Variants in ANKRD13C observed in about 807,000 individuals in gnomAD.
ANKRD13C encodes ankyrin repeat domain-containing protein 13C.
Under a neutral mutation model 65.5 loss-of-function variants are expected in ANKRD13C, and 16 were observed. The ratio of observed to expected loss-of-function variants is 0.24; its 90% CI spans 0.17 to 0.37. The LOEUF is 0.37. ANKRD13C is among the 10% of genes least tolerant of loss of function. The pLI is 1.00. For synonymous variants in ANKRD13C, 235 were observed against 238.7 expected (o/e 0.98, Z 0.14); for missense variants, 503 against 655.9 (o/e 0.77, Z 2.55).
intron 6 of ANKRD13C, among the ~76,000 whole-genome samples, chr1:70,302,842 G>GT (rs1680435569): frequency 6.7e-6 from 1 of 149,110 alleles, no homozygotes; most frequent in African/African-American, 2.5e-5. Context: ...CATTTTATAT[G>GT]TAAGTGCACT....
chr1:70,288,873 T>C (rs936665267), intron 9 of ANKRD13C, among the ~76,000 whole-genome samples: 2 of 152,156 alleles, frequency 1.3e-5, no homozygotes, highest in African/African-American at 4.8e-5. Flanking sequence ...TGGTAAGACG[T>C]TACCACTGGG....
At chr1:70,296,364 G>A (rs1172096923) in intron 7 of ANKRD13C, 103 bp from the exon 8 acceptor site, 7 of 1,151,580 alleles carry the variant, frequency 6.1e-6, no homozygotes, top group African/African-American at 1.6e-5. Context: ...AATTTTTAAA[G>A]ACAAAAAGGA....
chr1:70,295,111 G>A (rs1330277322), intron 8 of ANKRD13C, among the ~76,000 whole-genome samples: 2 of 151,760 alleles, frequency 1.3e-5, no homozygotes, highest in South Asian at 2.1e-4. Flanking sequence ...TCATTTCATT[G>A]TGTATAATAA....
At chr1:70,303,014 CAGAAAGACAGATAA>C (rs1299988186) in intron 6 of ANKRD13C, among the ~76,000 whole-genome samples, 2 of 151,944 alleles carry the variant, frequency 1.3e-5, no homozygotes, top group Non-Finnish European at 2.9e-5. Context: ...AAGAGATGCA[CAGAAAGACAGATAA>C]AGAAAGACAA....
chr1:70,342,394 C>G (rs1264572043), intron 1 of ANKRD13C, among the ~76,000 whole-genome samples: 1 of 151,864 alleles, frequency 6.6e-6, no homozygotes, highest in African/African-American at 2.4e-5. Context: ...AAAAATTAGC[C>G]GGGCATGGTG....
chr1:70,328,091 T>C (rs1346928119), intron 2 of ANKRD13C, among the ~76,000 whole-genome samples: 2 of 151,984 alleles, frequency 1.3e-5, no homozygotes, highest in African/African-American at 4.8e-5. Context: ...AAAAAATTTA[T>C]ATATATAAAA....
At chr1:70,325,410 C>A (rs1330861034) in intron 2 of ANKRD13C, among the ~76,000 whole-genome samples, 1 of 151,980 alleles carries the variant, frequency 6.6e-6, no homozygotes, top group Non-Finnish European at 1.5e-5. Context: ...AGTAATGTTT[C>A]CAAAACACAT....
At chr1:70,344,092 GT>G (rs1682425815) in intron 1 of ANKRD13C, among the ~76,000 whole-genome samples, 1 of 152,082 alleles carries the variant, frequency 6.6e-6, no homozygotes, top group Non-Finnish European at 1.5e-5. Context: ...GAGGTCAGGA[GT>G]TCAAGACCAG....
At chr1:70,291,850 G>GGCTCA (rs948003857) in intron 9 of ANKRD13C, among the ~76,000 whole-genome samples, 26 of 151,208 alleles carry the variant, frequency 1.7e-4, no homozygotes, top group Non-Finnish European at 3.8e-4. Context: ...CAGGCACAGT[G>GGCTCA]GCTCACATCT....
intron 3 of ANKRD13C, among the ~76,000 whole-genome samples, chr1:70,322,093 T>C (rs1681335254): frequency 6.6e-6 from 1 of 152,076 alleles, no homozygotes; most frequent in African/African-American, 2.4e-5. Context: ...GGCAAGTAGA[T>C]TACCTGAGGT....
At chr1:70,295,947 T>A (rs2101295151) in intron 8 of ANKRD13C, among the ~76,000 whole-genome samples, 183 bp downstream of exon 8, 1 of 152,328 alleles carries the variant, frequency 6.6e-6, no homozygotes, top group East Asian at 1.9e-4. Context: ...CTTTCCTGAA[T>A]TCTCCAAGGA....
At chr1:70,322,732 C>T (rs1308238264) in intron 3 of ANKRD13C, among the ~76,000 whole-genome samples, 3 of 152,132 alleles carry the variant, frequency 2.0e-5, no homozygotes, top group Admixed American at 1.3e-4. Flanking sequence ...GTGGCTCACA[C>T]CTGTAACCCC....
intron 2 of ANKRD13C, among the ~76,000 whole-genome samples, chr1:70,334,736 C>T (rs564327073): frequency 1.3e-4 from 19 of 151,960 alleles, no homozygotes; most frequent in Non-Finnish European, 2.4e-4. Context: ...ATCGGCCTGA[C>T]CAACATGGAA....
rs1288270427 is a variant in ANKRD13C at position 70,336,042 on chromosome 1, G to A, written c.472+16C>T. 2.5e-6 allele frequency: 2 copies of A among 794,108 alleles called. No homozygotes were observed. The highest frequency in any genetic ancestry group is 2.5e-5 in the South Asian group (1 of 40,600). 49.2% of individuals were successfully genotyped at this position (794,108 alleles called of 1,614,324 possible). ...ATAAATGAAGTTAAACATAAAAAAA[G>A]AAAATATTTACTAACCTTTATTTCC... On this transcript the variant is annotated intron_variant, in intron 2 of 12. Transcript: ENST00000370944.
intron 1 of ANKRD13C, among the ~76,000 whole-genome samples, chr1:70,350,814 C>T (rs1012536272): frequency 6.6e-6 from 1 of 152,132 alleles, no homozygotes; most frequent in African/African-American, 2.4e-5. Flanking sequence ...ACTTTAGTGA[C>T]GTTTCCTTGC....
chr1:70,302,643 G>A (rs887122776), intron 6 of ANKRD13C, among the ~76,000 whole-genome samples: 3 of 126,226 alleles, frequency 2.4e-5, no homozygotes, highest in Non-Finnish European at 3.2e-5. Context: ...GGAGAATGGC[G>A]TGAACCCGGG....
chr1:70,265,108 C>CA lies in ANKRD13C; in HGVS notation c.1496-2262dup, dbSNP rs562842158. On this transcript the variant is annotated intron_variant, in intron 12 of 12. Coordinates refer to ENST00000370944, the MANE Select transcript of ANKRD13C (RefSeq NM_030816.5). ...CTGCCAGATCAGGTGGAGTTTAGGCCAAAAAAAAGACCAGCTTTTATTCTG... is the reference window on the plus strand; with the variant it reads ...CTGCCAGATCAGGTGGAGTTTAGGCCAAAAAAAAAGACCAGCTTTTATTCTG... Among the ~76,000 whole-genome samples, 51 of 151,206 alleles carry CA rather than the reference C, an allele frequency of 3.4e-4. No homozygotes were observed. The South Asian group carries it at 0.011, about 32-fold the overall frequency.
At chr1:70,332,000 A>G (rs1471565926) in intron 2 of ANKRD13C, among the ~76,000 whole-genome samples, 1 of 152,182 alleles carries the variant, frequency 6.6e-6, no homozygotes, top group Non-Finnish European at 1.5e-5. Flanking sequence ...ATCATAAGAA[A>G]AAAAGCAAAA....
intron 12 of ANKRD13C, among the ~76,000 whole-genome samples, chr1:70,267,100 ACT>A (rs983057542): frequency 2.6e-5 from 4 of 151,466 alleles, no homozygotes; most frequent in Admixed American, 6.6e-5. Flanking sequence ...CTATCTTGCA[ACT>A]CTGTTACTTG....
Sources: allele counts gnomAD v4.1 joint callset (sites outside exome capture counted in the v4.1 genomes callset), GRCh38; gene constraint gnomAD v4.1.1; transcripts MANE v1.5; gene names NCBI Gene and HGNC (gene_info 2026-07-23, HGNC 2026-07-21).